The following BTBD9 variants were observed in gnomAD, a reference collection of about 807,000 sequenced individuals.
BTBD9 encodes the protein BTB domain containing 9, also known as BTB/POZ domain-containing protein 9.
Under a neutral mutation model 64.3 loss-of-function variants are expected in BTBD9, and 49 were observed. The ratio of observed to expected loss-of-function variants is 0.76; its 90% CI spans 0.61 to 0.97. The LOEUF (loss-of-function observed/expected upper bound fraction) is 0.97. BTBD9 is among the 50% of genes least tolerant of loss of function. BTBD9 has a pLI of 0.00. For synonymous variants in BTBD9, 260 were observed against 274.7 expected (o/e 0.95, Z 0.53); for missense variants, 598 against 762.1 (o/e 0.78, Z 2.53).
chr6:38,318,799 G>A (rs1189092018), intron 7 of BTBD9, among the ~76,000 whole-genome samples: 1 of 152,136 alleles, frequency 6.6e-6, no homozygotes, highest in Non-Finnish European at 1.5e-5. Context: ...AAGGCCCTAG[G>A]GCTCTACAAT....
chr6:38,508,481 C>T (rs1269084225), intron 6 of BTBD9, among the ~76,000 whole-genome samples: 3 of 152,344 alleles, frequency 2.0e-5, no homozygotes, highest in East Asian at 1.9e-4. Flanking sequence ...CCGCCACTGG[C>T]ACTTCTTACC....
intron 1 of BTBD9, among the ~76,000 whole-genome samples, chr6:38,620,252 C>T (rs1229649577): frequency 2.6e-5 from 4 of 152,194 alleles, no homozygotes; most frequent in Admixed American, 2.6e-4. Flanking sequence ...AGTAATTCCT[C>T]TACATTCAGT....
At chr6:38,602,183 A>C (rs1465205693) in intron 1 of BTBD9, among the ~76,000 whole-genome samples, 1 of 152,184 alleles carries the variant, frequency 6.6e-6, no homozygotes, top group Non-Finnish European at 1.5e-5. Flanking sequence ...GGGGAAAATA[A>C]GGATTTTTTT....
At chr6:38,326,376 T>C (rs1401112727) in intron 7 of BTBD9, among the ~76,000 whole-genome samples, 1 of 152,182 alleles carries the variant, frequency 6.6e-6, no homozygotes, top group East Asian at 1.9e-4. Flanking sequence ...GTGAAGATTT[T>C]GAGCTTTCTC....
At chr6:38,556,575 G>T (rs932087630) in intron 6 of BTBD9, among the ~76,000 whole-genome samples, 8 of 139,680 alleles carry the variant, frequency 5.7e-5, no homozygotes, top group Admixed American at 7.2e-5. Flanking sequence ...GAGAGAGAGA[G>T]ATTTGATCAC....
intron 1 of BTBD9, among the ~76,000 whole-genome samples, chr6:38,616,948 C>T (rs1440914834): frequency 6.6e-6 from 1 of 152,192 alleles, no homozygotes; most frequent in Admixed American, 6.5e-5. Context: ...AAACTCCGGA[C>T]ACATCTTGGG....
chr6:38,616,350 T>C (rs765572592), intron 1 of BTBD9, among the ~76,000 whole-genome samples: 10 of 152,332 alleles, frequency 6.6e-5, no homozygotes, highest in Non-Finnish European at 1.0e-4. Context: ...ACTTATATAA[T>C]GGCCATCAAT....
At chr6:38,526,039 A>G (rs1321322321) in intron 6 of BTBD9, among the ~76,000 whole-genome samples, 2 of 152,226 alleles carry the variant, frequency 1.3e-5, no homozygotes, top group Non-Finnish European at 2.9e-5. Flanking sequence ...TAGCCAAAAC[A>G]ATGGGGAAAA....
intron 6 of BTBD9, among the ~76,000 whole-genome samples, chr6:38,474,340 T>C (rs916723809): frequency 6.6e-6 from 1 of 152,030 alleles, no homozygotes; most frequent in East Asian, 1.9e-4. Context: ...TCGGCTAATA[T>C]GGTGAAATTC....
chr6:38,580,128 A>G (rs1315737795), intron 5 of BTBD9, 90 bp downstream of exon 5: 3 of 1,215,202 alleles, frequency 2.5e-6, no homozygotes, highest in Non-Finnish European at 2.3e-6. Flanking sequence ...AAAGAAATAA[A>G]CCATCATATC....
intron 1 of BTBD9, among the ~76,000 whole-genome samples, chr6:38,630,346 A>G (rs1346665595): frequency 2.0e-5 from 3 of 152,204 alleles, no homozygotes; most frequent in Non-Finnish European, 4.4e-5. Flanking sequence ...TGATAAGTCA[A>G]TTGGGATAAT....
chr6:38,405,113 A>G (rs1767107000), intron 6 of BTBD9, among the ~76,000 whole-genome samples: 1 of 152,216 alleles, frequency 6.6e-6, no homozygotes, highest in Non-Finnish European at 1.5e-5. Flanking sequence ...TGATGGTTGT[A>G]GCTTTGAGTT....
At chr6:38,464,381 T>C (rs968080186) in intron 6 of BTBD9, among the ~76,000 whole-genome samples, 1 of 140,222 alleles carries the variant, frequency 7.1e-6, no homozygotes. Context: ...CTTGCATTCA[T>C]GAAAAAAAAA....
At chr6:38,178,647 AG>A (rs1451134104) in intron 10 of BTBD9, among the ~76,000 whole-genome samples, 1 of 144,522 alleles carries the variant, frequency 6.9e-6, no homozygotes, top group African/African-American at 2.6e-5. Context: ...AGGATGGAGG[AG>A]GGGGGGACTT....
chr6:38,243,063 G>C (rs1004617760), intron 9 of BTBD9, among the ~76,000 whole-genome samples: 2 of 151,542 alleles, frequency 1.3e-5, no homozygotes, highest in South Asian at 2.1e-4. Flanking sequence ...TGAATAGGTG[G>C]AGACTTGAAG....
chr6:38,592,663 C>G lies in BTBD9; in HGVS notation c.727G>C (p.Gly243Arg). 1 of 1,614,132 alleles carries G rather than the reference C, an allele frequency of 6.2e-7. No individual in the cohort carries two copies. The highest frequency in any genetic ancestry group is 8.5e-7 in the Non-Finnish European group (1 of 1,180,032). Residue 243 changes from glycine to arginine, a missense_variant, in exon 4 of 11, where the codon GGA (glycine) becomes CGA (arginine). Gly to Arg is a moderately radical substitution (Grantham distance 125). Coordinates refer to ENST00000481247, the MANE Select transcript of BTBD9 (RefSeq NM_001099272.2). ...AGGATGGCATCAGGAGACAGCAGTC[C>G]TGAAGGCCTCACAACATTCAGAAGC... ...TELLNVVRPS[G>R]LLSPDAILDA... is the part of the protein sequence containing the mutation.
chr6:38,426,182 C>T lies in BTBD9; in HGVS notation c.1155-81089G>A, dbSNP rs998591583. 7.2e-5 allele frequency among the ~76,000 whole-genome samples: 11 copies of T among 151,782 alleles called. 1 individual carries two copies. Among genetic ancestry groups the T allele is most frequent in the African/African-American group, 2.2e-4 (9 of 41,146 alleles). On this transcript the variant is annotated intron_variant, in intron 6 of 10. Coordinates refer to ENST00000481247, the MANE Select transcript of BTBD9 (RefSeq NM_001099272.2). ...ACAGGACTAGCTGGATTTCCTAGGC[C>T]GACTAAGAATCCCTAAGCCTAGCTG... is the stretch of plus-strand genomic sequence containing the variant.
chr6:38,365,145 T>G (rs1419540060), intron 6 of BTBD9, among the ~76,000 whole-genome samples: 1 of 152,292 alleles, frequency 6.6e-6, no homozygotes, highest in East Asian at 1.9e-4. Context: ...TATTAAATAC[T>G]TAGTCTATGC....
chr6:38,384,161 T>C (rs1048278811), intron 6 of BTBD9, among the ~76,000 whole-genome samples: 7 of 152,180 alleles, frequency 4.6e-5, no homozygotes, highest in East Asian at 1.9e-4. Context: ...ATCTCACCTT[T>C]AAAAATTTCC....
Sources: gnomAD v4.1 joint callset for allele counts (sites outside exome capture counted in the v4.1 genomes callset) on GRCh38, gnomAD v4.1.1 for gene constraint, MANE v1.5 for transcripts, NCBI Gene and HGNC (gene_info 2026-07-23, HGNC 2026-07-21) for gene names.